CCND1: variants seen among roughly 807,000 people sequenced by gnomAD.
The protein encoded by CCND1 is G1/S-specific cyclin-D1.
CCND1 carries 9 observed loss-of-function variants against 26.1 expected under a neutral mutation model. The ratio of observed to expected loss-of-function variants is 0.35; its 90% CI spans 0.21 to 0.60. The LOEUF is 0.60. Ranked by LOEUF, CCND1 falls within the 20% of genes least tolerant of loss-of-function variation. The pLI is 0.79. For synonymous variants in CCND1, 194 were observed against 166.1 expected (o/e 1.17, Z -1.29); for missense variants, 335 against 392.9 (o/e 0.85, Z 1.25).
chr11:69,645,108 G>A (rs1456059950), intron 3 of CCND1, among the ~76,000 whole-genome samples: 5 of 152,128 alleles, frequency 3.3e-5, no homozygotes, highest in South Asian at 2.1e-4. Context: ...CCTCCCCCAC[G>A]TTTCCAAGCG....
chr11:69,648,789 C>T (rs777535953), intron 4 of CCND1, among the ~76,000 whole-genome samples: 60 of 152,130 alleles, frequency 3.9e-4, no homozygotes, highest in Non-Finnish European at 7.1e-4. Flanking sequence ...AGGGAGTGAC[C>T]GCCTGACCCC....
chr11:69,641,527 C>G lies in CCND1; in HGVS notation c.198+16C>G, dbSNP rs543211695. 6.2e-7 allele frequency: 1 copy of G among 1,612,014 alleles called. No homozygotes were observed. Among genetic ancestry groups the G allele is most frequent in the South Asian group, 1.1e-5 (1 of 91,068 alleles). ...GATGCTGGAGGTGCGGGGCTTCGGG[C>G]GGCTCTCTTAAGACTTCCCTGCAAC... On this transcript the variant is annotated intron_variant, in intron 1 of 4. Transcript: ENST00000227507.
chr11:69,650,483 C>T (rs1399912145), intron 4 of CCND1, among the ~76,000 whole-genome samples: 1 of 152,166 alleles, frequency 6.6e-6, no homozygotes, highest in African/African-American at 2.4e-5. Context: ...GCACTCCACC[C>T]GAGGGCGAGC....
intron 2 of CCND1, 28 bp downstream of exon 2, chr11:69,643,274 C>G (rs1216328856): frequency 1.3e-6 from 2 of 1,515,414 alleles, no homozygotes; most frequent in Non-Finnish European, 1.8e-6. Flanking sequence ...CCGCCCCCCG[C>G]CCCCCGCGAG....
chr11:69,642,667 C>T (rs1475403693), intron 1 of CCND1, among the ~76,000 whole-genome samples: 2 of 152,124 alleles, frequency 1.3e-5, no homozygotes, highest in Non-Finnish European at 2.9e-5. Flanking sequence ...AACCCCGCGG[C>T]CCGTTCCGCG....
chr11:69,645,054 C>T (rs913712667), intron 3 of CCND1, among the ~76,000 whole-genome samples: 28 of 152,164 alleles, frequency 1.8e-4, no homozygotes, highest in African/African-American at 5.8e-4. Flanking sequence ...CTGGTTTAGG[C>T]GTGAGGCCTC....
At chr11:69,645,927 C>T (rs554286922) in intron 3 of CCND1, among the ~76,000 whole-genome samples, 81 of 152,300 alleles carry the variant, frequency 5.3e-4, no homozygotes, top group African/African-American at 1.8e-3. Flanking sequence ...AGGTGAGGAA[C>T]GTCCAGTGCC....
Position 69,648,116 on chromosome 11 carries a change from C to A in CCND1, c.697C>A (p.Leu233Ile), listed in dbSNP as rs1228811654. 6.2e-7 allele frequency: 1 copy of A among 1,613,820 alleles called. No homozygotes were observed. The highest frequency in any genetic ancestry group is 8.5e-7 in the Non-Finnish European group (1 of 1,180,032). The part of the protein sequence containing the change: ...FLSYYRLTRF[L>I]SRVIKCDPDC... ...GTCCTACTACCGCCTCACACGCTTCCTCTCCAGAGTGATCAAGTGTGACCC... is the reference window on the plus strand; with the variant it reads ...GTCCTACTACCGCCTCACACGCTTCATCTCCAGAGTGATCAAGTGTGACCC... The change falls in exon 4 of 5, where the codon CTC becomes ATC. Residue 233 changes from leucine (L) to isoleucine (I), a missense_variant. Leu to Ile is a conservative substitution (Grantham distance 5). Coordinates refer to ENST00000227507, the MANE Select transcript of CCND1 (RefSeq NM_053056.3).
Position 69,652,916 on chromosome 11 carries a change from T to A in CCND1, c.*1634T>A. 7.0e-6 allele frequency: 2 copies of A among 286,178 alleles called. No individual in the cohort carries two copies. Among genetic ancestry groups the A allele is most frequent in the Non-Finnish European group, 1.3e-5 (2 of 153,554 alleles). 17.7% of individuals were successfully genotyped at this position (286,178 alleles called of 1,614,324 possible). A position where few individuals can be genotyped will look rare whatever the true frequency, so the allele number is the denominator to read the frequency against. Reference sequence around the variant, plus strand: ...GAAAAAAACCACACAAAGACATTGATTCAGCCTGTTTGGCGTTTCCCAGAG... The same window carrying A: ...GAAAAAAACCACACAAAGACATTGAATCAGCCTGTTTGGCGTTTCCCAGAG... On this transcript the variant is annotated 3_prime_UTR_variant, in exon 5 of 5. Transcript: ENST00000227507.
chr11:69,642,137 C>T (rs1402405319), intron 1 of CCND1, among the ~76,000 whole-genome samples: 1 of 151,434 alleles, frequency 6.6e-6, no homozygotes, highest in Non-Finnish European at 1.5e-5. Flanking sequence ...GGGGACGCCG[C>T]TAGGGAAGGG....
In CCND1 at chr11:69,641,176, GC is replaced by G. The variant is rs1855692557; in HGVS notation, c.-137del. The G allele has an allele frequency of 1.2e-6, 1 of 824,160 alleles. No individual in the cohort carries two copies. The highest frequency in any genetic ancestry group is 1.9e-5 in the Admixed American group (1 of 51,384). 51.1% of individuals were successfully genotyped at this position (824,160 alleles called of 1,614,324 possible). ...CCTCCAGAGGGCTGTCGGCGCAGTA[GC>G]AGCGAGCAGCAGAGTCCGCACGCTC... On this transcript the variant is annotated 5_prime_UTR_variant, in exon 1 of 5. Coordinates refer to ENST00000227507, the MANE Select transcript of CCND1 (RefSeq NM_053056.3).
At position 69,646,858 on chromosome 11, in the gene CCND1, C is replaced by T. The variant is rs372748825; in HGVS notation, c.575-1136C>T. ...TCTGCTGTTTGTCTAGGAGGTCAGT[C>T]ACAGAGGCCCCGAGACGCCCACTAC... On this transcript the variant is annotated intron_variant, in intron 3 of 4. Transcript: ENST00000227507. Among the ~76,000 whole-genome samples the T allele has an allele frequency of 3.5e-4, 53 of 152,354 alleles. No homozygotes were observed. In the East Asian group the frequency reaches 6.6e-3, roughly 19 times the overall value.
intron 3 of CCND1, 127 bp downstream of exon 3, chr11:69,644,118 AGAGCGCTCTTCCAGCTCTGGTGAGC>A: frequency 1.1e-6 from 1 of 889,112 alleles, no homozygotes; most frequent in Non-Finnish European, 1.8e-6. Context: ...CCTGCGCTGG[AGAGCGCTCTTCCAGCTCTGGTGAGC>A]AGAGGCCCTG....
intron 2 of CCND1, 97 bp from the exon 3 acceptor site, chr11:69,643,735 G>A (rs1189278070): frequency 1.0e-5 from 12 of 1,180,016 alleles, no homozygotes; most frequent in East Asian, 2.5e-5. Context: ...GCTCTGAGCC[G>A]GAGGTGCGGC....
At chr11:69,646,384 C>T (rs1206185148) in intron 3 of CCND1, among the ~76,000 whole-genome samples, 4 of 152,144 alleles carry the variant, frequency 2.6e-5, no homozygotes, top group Admixed American at 6.5e-5. Context: ...CTTCCCGGCC[C>T]CTCGCCGGCG....
chr11:69,650,377 C>A (rs752428858), intron 4 of CCND1, among the ~76,000 whole-genome samples: 1 of 152,234 alleles, frequency 6.6e-6, no homozygotes, highest in African/African-American at 2.4e-5. Flanking sequence ...CCAGATTTCA[C>A]GGCTGCTCTT....
In CCND1 at chr11:69,641,353, C is replaced by A. The variant is rs1372181670; in HGVS notation, c.40C>A (p.Arg14Ser). 6.2e-7 allele frequency: 1 copy of A among 1,613,002 alleles called. No homozygotes were observed. The highest frequency in any genetic ancestry group is 1.3e-5 in the African/African-American group (1 of 74,922). ...CCTGTGCTGCGAAGTGGAAACCATCCGCCGCGCGTACCCCGATGCCAACCT... is the reference window on the plus strand; with the variant it reads ...CCTGTGCTGCGAAGTGGAAACCATCAGCCGCGCGTACCCCGATGCCAACCT... ...QLLCCEVETI[R>S]RAYPDANLLN... Residue 14 changes from arginine to serine, a missense_variant, in exon 1 of 5, where the codon CGC (arginine) becomes AGC (serine). Coordinates refer to ENST00000227507, the MANE Select transcript of CCND1 (RefSeq NM_053056.3).
At chr11:69,644,732 C>T (rs371310174) in intron 3 of CCND1, among the ~76,000 whole-genome samples, 3 of 152,338 alleles carry the variant, frequency 2.0e-5, no homozygotes, top group African/African-American at 4.8e-5. Flanking sequence ...CACAGGGTGC[C>T]GCCTCCTGCT....
chr11:69,643,235 G>A lies in CCND1; in HGVS notation c.403G>A (p.Glu135Lys), dbSNP rs763443319. 3.8e-6 allele frequency: 6 copies of A among 1,582,730 alleles called. No individual in the cohort carries two copies. The highest frequency in any genetic ancestry group is 5.1e-6 in the Non-Finnish European group (6 of 1,165,570). ...CTACACCGACAACTCCATCCGGCCC[G>A]AGGAGCTGCTGGTAACCACTGGACC... ...CIYTDNSIRP[E>K]ELLQMELLLV... The change falls in exon 2 of 5, where the codon GAG (glutamate) becomes AAG (lysine). Residue 135 changes from glutamate to lysine, a missense_variant. Coordinates refer to ENST00000227507, the MANE Select transcript of CCND1 (RefSeq NM_053056.3).
Sources: gnomAD v4.1 joint callset for allele counts (sites outside exome capture counted in the v4.1 genomes callset) on GRCh38, gnomAD v4.1.1 for gene constraint, MANE v1.5 for transcripts, NCBI Gene and HGNC (gene_info 2026-07-23, HGNC 2026-07-21) for gene names.